SLC25A48: variants seen among roughly 807,000 people sequenced by gnomAD.
SLC25A48 encodes CTC-321K16.1.
Under a neutral mutation model 32.2 loss-of-function variants are expected in SLC25A48, and 29 were observed. That is an observed-to-expected ratio of 0.90 (90% CI 0.67 to 1.23). The LOEUF is 1.23. SLC25A48 is among the 50% of genes most tolerant of loss of function. The pLI is 0.00. For synonymous variants in SLC25A48, 164 were observed against 172.3 expected (o/e 0.95, Z 0.38); for missense variants, 399 against 422.7 (o/e 0.94, Z 0.49).
At chr5:135,623,004 G>A (rs1752361211) in intron 1 of SLC25A48, among the ~76,000 whole-genome samples, 1 of 152,170 alleles carries the variant, frequency 6.6e-6, no homozygotes, top group African/African-American at 2.4e-5. Flanking sequence ...TCTCAGAGCA[G>A]CTGAAACCCC....
At chr5:135,662,414 A>G (rs1753426183) in intron 3 of SLC25A48, among the ~76,000 whole-genome samples, 1 of 152,156 alleles carries the variant, frequency 6.6e-6, no homozygotes. Context: ...GAAAGAAGAA[A>G]GCTTCCATGT....
chr5:135,754,374 A>G (rs1417549145), intron 3 of SLC25A48, among the ~76,000 whole-genome samples: 1 of 152,082 alleles, frequency 6.6e-6, no homozygotes, highest in Non-Finnish European at 1.5e-5. Context: ...TTACTGTGAT[A>G]TTACTGAAAT....
chr5:135,768,475 G>A (rs976718976), intron 3 of SLC25A48, among the ~76,000 whole-genome samples: 1 of 151,416 alleles, frequency 6.6e-6, no homozygotes, highest in African/African-American at 2.4e-5. Flanking sequence ...CCCAGGGAGT[G>A]TACACCTTTC....
chr5:135,598,756 G>A (rs1438352904), intron 1 of SLC25A48, among the ~76,000 whole-genome samples: 2 of 147,310 alleles, frequency 1.4e-5, no homozygotes, highest in East Asian at 2.0e-4. Context: ...TTTCACTTTG[G>A]GGTGGAGTAT....
At chr5:135,650,386 G>A (rs1382906267) in intron 3 of SLC25A48, 5 of 455,858 alleles carry the variant, frequency 1.1e-5, no homozygotes, top group Non-Finnish European at 1.8e-5. Context: ...CAGAAGTGTG[G>A]CAACATTGAT....
At chr5:135,702,750 A>G (rs78426765) in intron 3 of SLC25A48, among the ~76,000 whole-genome samples, 12,579 of 152,290 alleles carry the variant, frequency 0.083, 714 homozygotes, top group Middle Eastern at 0.14. Context: ...AGCCTGTACA[A>G]TATTGTTAAA....
chr5:135,607,766 A>T lies in SLC25A48; in HGVS notation c.-848-21471A>T, dbSNP rs180818945. ...TTCCTAGTGGAAGCTCATCTTGGTG[A>T]CTTCAACAGGGGCCCATTTTTACTT... On this transcript the variant is annotated intron_variant, in intron 1 of 10. Transcript: ENST00000646290. Among the ~76,000 whole-genome samples, 34 of 152,314 alleles carry T rather than the reference A, an allele frequency of 2.2e-4. No individual in the cohort carries two copies. The East Asian group carries it at 5.8e-3, about 26-fold the overall frequency.
Position 135,850,438 on chromosome 5 carries a change from C to G in SLC25A48, c.104C>G (p.Ala35Gly), listed in dbSNP as rs1759756849. 2 of 1,614,156 alleles carry G rather than the reference C, an allele frequency of 1.2e-6. No homozygotes were observed. The highest frequency in any genetic ancestry group is 1.3e-5 in the African/African-American group (1 of 75,058). ...CTCTCTCCATAGACTCGCCTGCAGG[C>G]TGGCGTTGGCTACGGAAACACCCTC... is the stretch of plus-strand genomic sequence containing the variant. The part of the protein sequence containing the change: ...PLDTVKTRLQ[A>G]GVGYGNTLSC... The change falls in exon 3 of 8, where the codon GCT becomes GGT. Residue 35 changes from alanine to glycine, a missense_variant. Ala to Gly is a moderately conservative substitution (Grantham distance 60). Coordinates refer to ENST00000681962, the MANE Select transcript of SLC25A48 (RefSeq NM_001349336.2).
intron 3 of SLC25A48, among the ~76,000 whole-genome samples, chr5:135,702,405 CTA>C (rs1754415201): frequency 6.6e-6 from 1 of 152,150 alleles, no homozygotes; most frequent in Non-Finnish European, 1.5e-5. Context: ...AGTGATGCGT[CTA>C]TAAGCCAAGG....
intron 3 of SLC25A48, among the ~76,000 whole-genome samples, chr5:135,735,072 C>A (rs1021348266): frequency 6.6e-6 from 1 of 152,158 alleles, no homozygotes; most frequent in Admixed American, 6.5e-5. Context: ...AGATGGGACA[C>A]GGCTTAGGAG....
chr5:135,741,801 A>C (rs1186505470), intron 3 of SLC25A48, among the ~76,000 whole-genome samples: 2 of 152,216 alleles, frequency 1.3e-5, no homozygotes, highest in East Asian at 3.8e-4. Flanking sequence ...TAAAATCAGG[A>C]GATGGGCTGG....
At chr5:135,840,090 T>A (rs940438581) in intron 1 of SLC25A48, among the ~76,000 whole-genome samples, 4 of 152,194 alleles carry the variant, frequency 2.6e-5, no homozygotes, top group African/African-American at 9.6e-5. Context: ...CTCTTCAAAT[T>A]GTACAGGTCT....
At chr5:135,783,955 T>C (rs1756778341) in intron 3 of SLC25A48, among the ~76,000 whole-genome samples, 1 of 118,016 alleles carries the variant, frequency 8.5e-6, no homozygotes, top group South Asian at 3.0e-4. Flanking sequence ...TTGTTGCTAA[T>C]AATCAGGGGG....
intron 3 of SLC25A48, among the ~76,000 whole-genome samples, chr5:135,655,993 C>T (rs1028551088): frequency 3.3e-5 from 5 of 152,104 alleles, no homozygotes; most frequent in African/African-American, 9.7e-5. Context: ...ATTTTGACCC[C>T]GTTTGCCACG....
At chr5:135,797,674 G>A (rs898981817) in intron 3 of SLC25A48, among the ~76,000 whole-genome samples, 29 of 151,588 alleles carry the variant, frequency 1.9e-4, no homozygotes, top group African/African-American at 5.6e-4. Context: ...TAATATCCAG[G>A]GCAGGCAGAA....
At chr5:135,870,300 A>G (rs1367900182) in intron 4 of SLC25A48, among the ~76,000 whole-genome samples, 1 of 152,198 alleles carries the variant, frequency 6.6e-6, no homozygotes, top group Non-Finnish European at 1.5e-5. Context: ...GAAAGTCAAG[A>G]ACAAGAGCCT....
intron 3 of SLC25A48, among the ~76,000 whole-genome samples, chr5:135,670,584 C>T (rs1283259809): frequency 6.6e-6 from 1 of 152,206 alleles, no homozygotes; most frequent in Non-Finnish European, 1.5e-5. Context: ...AGATATTCAA[C>T]TCAATTCTTC....
rs75417141 is a variant in SLC25A48 at position 135,781,727 on chromosome 5, G to A, written c.-520-30796G>A. 6.0e-5 allele frequency among the ~76,000 whole-genome samples: 7 copies of A among 116,416 alleles called. 1 individual carries two copies. The East Asian group carries it at 1.5e-3, about 25-fold the overall frequency. 76.4% of individuals were successfully genotyped at this position (116,416 alleles called of 152,430 possible). On this transcript the variant is annotated intron_variant, in intron 3 of 10. Coordinates refer to the SLC25A48 transcript ENST00000646290. ...AATGATATTACTCTCAATATTGCAGGTGCTGTACACTACCTTTGTGTTGTA... is the reference window on the plus strand; with the variant it reads ...AATGATATTACTCTCAATATTGCAGATGCTGTACACTACCTTTGTGTTGTA...
At chr5:135,655,573 C>T (rs1280091648) in intron 3 of SLC25A48, among the ~76,000 whole-genome samples, 2 of 152,154 alleles carry the variant, frequency 1.3e-5, no homozygotes, top group African/African-American at 4.8e-5. Flanking sequence ...CCTCTCAGGG[C>T]CCATAGTACG....
Sources: allele counts gnomAD v4.1 joint callset (sites outside exome capture counted in the v4.1 genomes callset), GRCh38; gene constraint gnomAD v4.1.1; transcripts MANE v1.5; gene names NCBI Gene and HGNC (gene_info 2026-07-23, HGNC 2026-07-21).